SHISA6: variants seen among roughly 807,000 people sequenced by gnomAD.
The protein encoded by SHISA6 is shisa family member 6, also known as protein shisa-6.
In SHISA6, 22 loss-of-function variants were observed where a neutral mutation model predicts 47.9. The observed-to-expected ratio is 0.46, with a 90% CI of 0.33 to 0.66. SHISA6 has a LOEUF of 0.66. SHISA6 is among the 30% of genes least tolerant of loss of function. The pLI, the probability that SHISA6 is intolerant of heterozygous loss-of-function variation, is 0.02. For synonymous variants in SHISA6, 388 were observed against 337.8 expected, an observed-to-expected ratio of 1.15 and a Z score of -1.63; for missense variants, 680 against 764.6, an observed-to-expected ratio of 0.89 and a Z score of 1.30.
intron 3 of SHISA6, among the ~76,000 whole-genome samples, chr17:11,489,559 A>G (rs1916425707): frequency 6.6e-6 from 1 of 152,178 alleles, no homozygotes; most frequent in Admixed American, 6.5e-5. Flanking sequence ...GCAGAATGAA[A>G]AAACCCAACT....
At chr17:11,483,392 G>C (rs760306254) in intron 3 of SHISA6, among the ~76,000 whole-genome samples, 12 of 151,712 alleles carry the variant, frequency 7.9e-5, no homozygotes, top group Non-Finnish European at 1.5e-4. Context: ...ACAAAGATAA[G>C]TGGGTCTAAC....
intron 2 of SHISA6, among the ~76,000 whole-genome samples, chr17:11,280,105 A>C (rs1218595208): frequency 6.6e-6 from 1 of 152,238 alleles, no homozygotes; most frequent in African/African-American, 2.4e-5. Context: ...AGAGCCACTG[A>C]ATCAACAAGC....
In SHISA6 at chr17:11,338,617, G is replaced by C. The variant is rs569013136; in HGVS notation, c.800-40797G>C. On this transcript the variant is annotated intron_variant, in intron 2 of 5. Coordinates refer to ENST00000441885, the MANE Select transcript of SHISA6 (RefSeq NM_207386.4). Reference sequence around the variant, plus strand: ...GTAGAGATGGGGTTTCACCGTGTTGGCCAGGATGGTCTCAATCTCTTGACC... The same window carrying C: ...GTAGAGATGGGGTTTCACCGTGTTGCCCAGGATGGTCTCAATCTCTTGACC... 4.6e-5 allele frequency among the ~76,000 whole-genome samples: 7 copies of C among 151,756 alleles called. 1 individual carries two copies. In the Middle Eastern group the frequency reaches 0.014, roughly 295 times the overall value.
intron 3 of SHISA6, among the ~76,000 whole-genome samples, chr17:11,439,493 T>TC (rs374490622): frequency 7.6e-4 from 115 of 152,266 alleles, no homozygotes; most frequent in African/African-American, 2.7e-3. Context: ...TTCTTAGACT[T>TC]CTGGGGGAAA....
chr17:11,472,337 C>T (rs1567614723), intron 3 of SHISA6, among the ~76,000 whole-genome samples: 1 of 152,126 alleles, frequency 6.6e-6, no homozygotes, highest in Non-Finnish European at 1.5e-5. Context: ...GCTGAGACTA[C>T]AGGCTCATGC....
At chr17:11,353,371 C>T (rs1433099234) in intron 2 of SHISA6, among the ~76,000 whole-genome samples, 2 of 151,414 alleles carry the variant, frequency 1.3e-5, no homozygotes, top group African/African-American at 2.4e-5. Flanking sequence ...GCAAAAGAAT[C>T]GCGTGAACCC....
chr17:11,529,086 A>C (rs1230006344), intron 3 of SHISA6, among the ~76,000 whole-genome samples: 1 of 151,936 alleles, frequency 6.6e-6, no homozygotes, highest in Non-Finnish European at 1.5e-5. Context: ...CCAGCTACTC[A>C]GGAGGCTGAG....
chr17:11,442,752 G>C (rs781568334), intron 3 of SHISA6, among the ~76,000 whole-genome samples: 11 of 152,134 alleles, frequency 7.2e-5, no homozygotes, highest in Non-Finnish European at 1.2e-4. Flanking sequence ...CTGTGGGAGT[G>C]GGGGAGGAAG....
chr17:11,374,356 T>A (rs181728840), intron 2 of SHISA6, among the ~76,000 whole-genome samples: 186 of 151,786 alleles, frequency 1.2e-3, no homozygotes, highest in African/African-American at 4.4e-3. Flanking sequence ...AGTTTAAAAT[T>A]TTTTTTTGTT....
At chr17:11,297,415 C>T (rs981205872) in intron 2 of SHISA6, among the ~76,000 whole-genome samples, 1 of 152,092 alleles carries the variant, frequency 6.6e-6, no homozygotes, top group Non-Finnish European at 1.5e-5. Context: ...AGGTTGTTCA[C>T]GAAGTTGGCC....
chr17:11,352,209 G>A (rs1911912559), intron 2 of SHISA6, among the ~76,000 whole-genome samples: 2 of 152,068 alleles, frequency 1.3e-5, no homozygotes, highest in Admixed American at 1.3e-4. Context: ...ATTTTACATG[G>A]TGGGAAAAAG....
intron 3 of SHISA6, among the ~76,000 whole-genome samples, chr17:11,406,705 G>C (rs1913973676): frequency 6.6e-6 from 1 of 152,132 alleles, no homozygotes; most frequent in Non-Finnish European, 1.5e-5. Context: ...CAGGTTACAT[G>C]ACATTTTATT....
At chr17:11,273,485 A>C (rs1567556917) in intron 2 of SHISA6, among the ~76,000 whole-genome samples, 1 of 152,132 alleles carries the variant, frequency 6.6e-6, no homozygotes, top group Non-Finnish European at 1.5e-5. Flanking sequence ...CGAGCTGCTC[A>C]CTCCGTGATG....
chr17:11,264,685 A>G (rs181825809), intron 2 of SHISA6, among the ~76,000 whole-genome samples: 17 of 152,358 alleles, frequency 1.1e-4, no homozygotes, highest in Admixed American at 6.5e-4. Flanking sequence ...ATAAGGATAT[A>G]TAGCCACTAG....
At chr17:11,493,259 G>A (rs561135296) in intron 3 of SHISA6, among the ~76,000 whole-genome samples, 11 of 151,524 alleles carry the variant, frequency 7.3e-5, no homozygotes, top group Admixed American at 2.6e-4. Context: ...ACAGAGTCTC[G>A]CTCTGTCACC....
chr17:11,275,730 G>A (rs1008295628), intron 2 of SHISA6, among the ~76,000 whole-genome samples: 2 of 152,148 alleles, frequency 1.3e-5, no homozygotes, highest in African/African-American at 4.8e-5. Flanking sequence ...AGGGTGTTTA[G>A]GGCAGAAGTG....
intron 3 of SHISA6, among the ~76,000 whole-genome samples, chr17:11,392,535 G>T (rs1208539612): frequency 6.6e-6 from 1 of 152,138 alleles, no homozygotes; most frequent in East Asian, 1.9e-4. Context: ...GTTGCCATGT[G>T]ATCTCCATAC....
chr17:11,402,737 G>A (rs1339716187), intron 3 of SHISA6, among the ~76,000 whole-genome samples: 1 of 152,336 alleles, frequency 6.6e-6, no homozygotes, highest in East Asian at 1.9e-4. Flanking sequence ...CATGCACTGG[G>A]ATAGAAAGAA....
At chr17:11,283,442 A>G (rs1909191036) in intron 2 of SHISA6, among the ~76,000 whole-genome samples, 2 of 152,192 alleles carry the variant, frequency 1.3e-5, no homozygotes, top group Admixed American at 1.3e-4. Context: ...CTATTTCTCC[A>G]TCCTGCCTCT....
Sources: gnomAD v4.1 joint callset for allele counts (sites outside exome capture counted in the v4.1 genomes callset) on GRCh38, gnomAD v4.1.1 for gene constraint, MANE v1.5 for transcripts, NCBI Gene and HGNC (gene_info 2026-07-23, HGNC 2026-07-21) for gene names.